The following CNTFR variants were observed in gnomAD, a reference collection of about 807,000 sequenced individuals.
The protein encoded by CNTFR is ciliary neurotrophic factor receptor.
CNTFR carries 12 observed loss-of-function variants against 40.4 expected under a neutral mutation model. The observed-to-expected ratio is 0.30, with a 90% CI of 0.19 to 0.48. The LOEUF is 0.48. Ranked by LOEUF, CNTFR falls within the 20% of genes least tolerant of loss-of-function variation. CNTFR has a pLI of 0.99. For missense variants in CNTFR, 414 were observed against 506.8 expected (o/e 0.82, Z 1.76); for synonymous variants, 202 against 209.6 (o/e 0.96, Z 0.31).
In CNTFR at chr9:34,556,365, G is replaced by GA. The variant is rs1309185339; in HGVS notation, c.657dup (p.Arg220SerfsTer15). ...GTCTGCCACGTCACCTCCAGCCGGC[G>GA]AGGGTTGCTGGGCACTGGCCGGGCT... is the stretch of plus-strand genomic sequence containing the variant. On this transcript the variant is annotated frameshift_variant, in exon 7 of 10. Coordinates refer to ENST00000378980, the MANE Select transcript of CNTFR (RefSeq NM_147164.3). LOFTEE classifies it high-confidence loss of function. 1.9e-6 allele frequency: 3 copies of GA among 1,613,810 alleles called. No homozygotes were observed. The highest frequency in any genetic ancestry group is 2.5e-6 in the Non-Finnish European group (3 of 1,179,964).
chr9:34,558,036 G>A (rs1427915753), intron 4 of CNTFR, 52 bp from the exon 5 acceptor site: 3 of 1,296,422 alleles, frequency 2.3e-6, no homozygotes, highest in South Asian at 3.2e-5. Flanking sequence ...CCAGTCCCCT[G>A]CACTGTATGG....
chr9:34,584,754 A>G (rs1207377176), intron 1 of CNTFR, among the ~76,000 whole-genome samples: 1 of 151,244 alleles, frequency 6.6e-6, no homozygotes. Flanking sequence ...ACTTTCTACA[A>G]AATCCTGAGG....
intron 7 of CNTFR, among the ~76,000 whole-genome samples, chr9:34,555,951 A>ACCCTCTCCCTCCCCCG (rs1825818854): frequency 4.3e-5 from 1 of 23,194 alleles, no homozygotes; most frequent in African/African-American, 1.8e-4. Context: ...TCCCTCCCCC[A>ACCCTCTCCCTCCCCCG]CCATCTCCCT....
At chr9:34,582,136 G>A (rs920550244) in intron 1 of CNTFR, among the ~76,000 whole-genome samples, 7 of 152,082 alleles carry the variant, frequency 4.6e-5, no homozygotes, top group African/African-American at 9.7e-5. Flanking sequence ...TTAGCCAGGC[G>A]TGGTGGCATG....
At chr9:34,562,449 G>T (rs1826113305) in intron 4 of CNTFR, among the ~76,000 whole-genome samples, 1 of 152,116 alleles carries the variant, frequency 6.6e-6, no homozygotes, top group Admixed American at 6.5e-5. Flanking sequence ...GCCTTCCCAT[G>T]GGGAAAGGTA....
chr9:34,574,707 C>T (rs983571341), intron 2 of CNTFR, among the ~76,000 whole-genome samples: 11 of 152,324 alleles, frequency 7.2e-5, no homozygotes, highest in Admixed American at 4.6e-4. Context: ...CCTCCACAGC[C>T]GGAGATGGGG....
At chr9:34,565,472 G>A (rs1168774409) in intron 3 of CNTFR, among the ~76,000 whole-genome samples, 1 of 152,102 alleles carries the variant, frequency 6.6e-6, no homozygotes, top group African/African-American at 2.4e-5. Flanking sequence ...GGCTCAGGCA[G>A]CAGCAGGAGA....
chr9:34,584,814 T>C (rs1041721125), intron 1 of CNTFR, among the ~76,000 whole-genome samples: 1 of 152,142 alleles, frequency 6.6e-6, no homozygotes, highest in Admixed American at 6.5e-5. Flanking sequence ...ATCGGTGTGA[T>C]TGCTCTGCCC....
chr9:34,571,375 G>A (rs768263939), intron 2 of CNTFR: 2 of 152,554 alleles, frequency 1.3e-5, no homozygotes, highest in Middle Eastern at 6.7e-3. Context: ...CTCAGTGCCA[G>A]GCCACTGCCC....
Position 34,555,214 on chromosome 9 carries a change from G to T in CNTFR, c.768+1041C>A, listed in dbSNP as rs530077573. ...TAGGCGCGGGCAGCTGGCCAGGCGGGAGGGACTCCGGACTCTGTCAGGGAA... is the reference window on the plus strand; with the variant it reads ...TAGGCGCGGGCAGCTGGCCAGGCGGTAGGGACTCCGGACTCTGTCAGGGAA... On this transcript the variant is annotated intron_variant, in intron 7 of 9. Transcript: ENST00000378980. Among the ~76,000 whole-genome samples, 302 of 152,362 alleles carry T rather than the reference G, an allele frequency of 2.0e-3. 1 individual carries two copies. The highest frequency in any genetic ancestry group is 3.3e-3 in the Non-Finnish European group (224 of 68,028).
intron 4 of CNTFR, among the ~76,000 whole-genome samples, chr9:34,562,619 C>T (rs1384680191): frequency 6.6e-6 from 1 of 152,246 alleles, no homozygotes; most frequent in Non-Finnish European, 1.5e-5. Flanking sequence ...ATCCCTTAAA[C>T]ATCTGCTAGG....
intron 2 of CNTFR, among the ~76,000 whole-genome samples, chr9:34,579,355 T>TTGGCAGC (rs1400402033): frequency 6.6e-6 from 1 of 151,856 alleles, no homozygotes; most frequent in African/African-American, 2.4e-5. Context: ...CTTTTCTGAC[T>TTGGCAGC]TGGCAGCGTT....
chr9:34,561,035 G>C (rs1328002176), intron 4 of CNTFR, among the ~76,000 whole-genome samples: 1 of 152,126 alleles, frequency 6.6e-6, no homozygotes, highest in Non-Finnish European at 1.5e-5. Context: ...AGGCAGGGTG[G>C]GGCAGGGTGA....
chr9:34,558,741 G>A (rs892074371), intron 4 of CNTFR, among the ~76,000 whole-genome samples: 2 of 152,090 alleles, frequency 1.3e-5, no homozygotes, highest in South Asian at 2.1e-4. Flanking sequence ...CATCTCCATC[G>A]CAGACCCTTT....
At chr9:34,572,508 C>T (rs1489799467) in intron 2 of CNTFR, among the ~76,000 whole-genome samples, 1 of 152,100 alleles carries the variant, frequency 6.6e-6, no homozygotes, top group Non-Finnish European at 1.5e-5. Flanking sequence ...AGAGGGGGTA[C>T]CCCATAAGCA....
chr9:34,554,431 C>T (rs975680269), intron 7 of CNTFR, among the ~76,000 whole-genome samples: 3 of 152,150 alleles, frequency 2.0e-5, no homozygotes, highest in African/African-American at 7.2e-5. Flanking sequence ...TCCTCGGGGC[C>T]ACATATCCTA....
intron 2 of CNTFR, among the ~76,000 whole-genome samples, chr9:34,578,332 T>C (rs1827098951): frequency 6.6e-6 from 1 of 152,146 alleles, no homozygotes; most frequent in Non-Finnish European, 1.5e-5. Context: ...AGTGAGGTCA[T>C]CCTTTGAATC....
rs924375440 is a variant in CNTFR, at chr9:34,566,299, T to C, written c.86-1467A>G. Among the ~76,000 whole-genome samples the C allele has an allele frequency of 2.6e-5, 4 of 152,124 alleles. No homozygotes were observed. The South Asian group carries it at 8.3e-4, about 31-fold the overall frequency. ...GCTGCCTATCTCTATCCTGCCCCTC[T>C]CTGTCCCTGTCAGAGAAGAAGGAAG... On this transcript the variant is annotated intron_variant, in intron 3 of 9. Coordinates refer to ENST00000378980, the MANE Select transcript of CNTFR (RefSeq NM_147164.3).
At chr9:34,566,128 C>G (rs1054499739) in intron 3 of CNTFR, among the ~76,000 whole-genome samples, 1 of 151,932 alleles carries the variant, frequency 6.6e-6, no homozygotes, top group Non-Finnish European at 1.5e-5. Context: ...AGGGATCCCC[C>G]TTGGACCCAC....
Sources: gnomAD v4.1 joint callset for allele counts (sites outside exome capture counted in the v4.1 genomes callset) on GRCh38, gnomAD v4.1.1 for gene constraint, MANE v1.5 for transcripts, NCBI Gene and HGNC (gene_info 2026-07-23, HGNC 2026-07-21) for gene names.